BBS2: variants seen among roughly 807,000 people sequenced by gnomAD.
BBS2 encodes the protein Bardet-Biedl syndrome 2, also known as BBSome complex member BBS2.
Under a neutral mutation model 83.0 loss-of-function variants are expected in BBS2, and 62 were observed. The ratio of observed to expected loss-of-function variants is 0.75; its 90% CI spans 0.61 to 0.92. The LOEUF is 0.92. BBS2 is among the 40% of genes least tolerant of loss of function. BBS2 has a pLI of 0.00. For missense variants in BBS2, 784 were observed against 901.0 expected, an observed-to-expected ratio of 0.87 and a Z score of 1.66; for synonymous variants, 303 against 326.1, an observed-to-expected ratio of 0.93 and a Z score of 0.76.
At chr16:56,499,594 G>A (rs1461085119) in intron 12 of BBS2, 184 bp downstream of exon 12, 2 of 679,634 alleles carry the variant, frequency 2.9e-6, no homozygotes, top group Non-Finnish European at 4.9e-6. Flanking sequence ...TTTTCAAAGT[G>A]AGAGAAGGTA....
chr16:56,510,124 A>AAT, intron 4 of BBS2, 90 bp from the exon 5 acceptor site: 1 of 1,143,276 alleles, frequency 8.7e-7, no homozygotes, highest in Non-Finnish European at 1.3e-6. Context: ...AGTACTTTGC[A>AAT]TGCTGCTTCT....
chr16:56,481,103 C>T (rs1246049856), downstream of BBS2, among the ~76,000 whole-genome samples: 1 of 152,072 alleles, frequency 6.6e-6, no homozygotes, highest in African/African-American at 2.4e-5. Context: ...TGTGCATTGG[C>T]AGATCTGTAA....
At position 56,476,395 on chromosome 16, in the gene BBS2, T is replaced by C. The variant is rs560181328; in HGVS notation, c.*1-5700A>G. The stretch of plus-strand genomic sequence containing the variant: ...CCTTGAGCTTGCAGCTAAGTACTTA[T>C]CTCTTGATTAAAAAAAAAAAGTTGG... On this transcript the variant is annotated intron_variant, in intron 17 of 17. Coordinates refer to the BBS2 transcript ENST00000682047. The C allele has an allele frequency of 1.4e-4, 54 of 382,694 alleles. No individual in the cohort carries two copies. The East Asian group carries it at 1.7e-3, about 12-fold the overall frequency. The allele number at this position is 382,694 out of a possible 1,614,324, so 23.7% of individuals were successfully genotyped here. A position where few individuals can be genotyped will look rare whatever the true frequency, so the allele number is the denominator to read the frequency against.
At chr16:56,497,377 C>G in intron 14 of BBS2, 1 of 505,004 alleles carries the variant, frequency 2.0e-6, no homozygotes, top group Admixed American at 3.3e-5. Context: ...TACTTTGGGG[C>G]CAATCAGAAT....
At chr16:56,500,643 A>G in intron 11 of BBS2, 2 of 532,626 alleles carry the variant, frequency 3.8e-6, no homozygotes, top group East Asian at 3.3e-5. Context: ...AAAAAAAAAA[A>G]GAACCATCTT....
intron 5 of BBS2, 104 bp downstream of exon 5, chr16:56,509,853 C>A (rs890120327): frequency 2.5e-6 from 3 of 1,224,030 alleles, no homozygotes; most frequent in Admixed American, 1.7e-5. Flanking sequence ...TATCCTAAAA[C>A]CACCTGGGTT....
At chr16:56,511,411 G>GA in intron 2 of BBS2, 127 bp from the exon 3 acceptor site, 1 of 1,317,790 alleles carries the variant, frequency 7.6e-7, no homozygotes, top group Non-Finnish European at 1.1e-6. Context: ...TAATGTGGGT[G>GA]GGCCTCACAC....
intron 15 of BBS2, 121 bp from the exon 16 acceptor site, chr16:56,485,859 A>G (rs1963762639): frequency 1.1e-6 from 1 of 877,888 alleles, no homozygotes; most frequent in South Asian, 1.5e-5. Context: ...TTTTCATTAA[A>G]ATCGAGTAAC....
chr16:56,504,335 A>G (rs907612298), intron 7 of BBS2, among the ~76,000 whole-genome samples: 9 of 152,226 alleles, frequency 5.9e-5, no homozygotes, highest in African/African-American at 2.2e-4. Flanking sequence ...TATTTAGCAA[A>G]TAAGAAGGCT....
chr16:56,478,921 A>C (rs891495457), intron 17 of BBS2: 3 of 152,232 alleles, frequency 2.0e-5, no homozygotes, highest in African/African-American at 7.2e-5. Flanking sequence ...GTGTTTCTGC[A>C]CTGAAGATAG....
chr16:56,475,401 C>A lies in BBS2; in HGVS notation c.*1-4706G>T. The A allele has an allele frequency of 3.0e-6, 3 of 1,008,560 alleles. No individual in the cohort carries two copies. In the South Asian group the frequency reaches 3.9e-5, roughly 13 times the overall value. The allele number at this position is 1,008,560 out of a possible 1,614,324, so 62.5% of individuals were successfully genotyped here. On this transcript the variant is annotated intron_variant, in intron 17 of 17. Coordinates refer to the BBS2 transcript ENST00000682047. ...AGTCATAGAACCAGTTACTGCTGAACTCCCAGATCCCCCACTGTTAAGCAG... is the reference window on the plus strand; with the variant it reads ...AGTCATAGAACCAGTTACTGCTGAAATCCCAGATCCCCCACTGTTAAGCAG...
intron 17 of BBS2, chr16:56,475,500 T>A (rs754260639): frequency 6.2e-7 from 1 of 1,613,774 alleles, no homozygotes; most frequent in Non-Finnish European, 8.5e-7. Flanking sequence ...TGTTTTTCTC[T>A]TGTAAGGCTG....
At chr16:56,516,083 A>T (rs183334915) in intron 1 of BBS2, 1 of 152,308 alleles carries the variant, frequency 6.6e-6, no homozygotes, top group East Asian at 1.9e-4. Flanking sequence ...AGAGTTTGCA[A>T]TTTTTGTCAA....
At chr16:56,470,860 A>G in intron 17 of BBS2, 7 of 1,414,590 alleles carry the variant, frequency 4.9e-6, no homozygotes, top group East Asian at 2.5e-5. Flanking sequence ...TATTCATTCA[A>G]CAAACATTTA....
In BBS2 at chr16:56,472,201, C is replaced by G. The variant is rs1277846749; in HGVS notation, c.*1-1506G>C. Among the ~76,000 whole-genome samples the G allele has an allele frequency of 2.0e-5, 3 of 151,878 alleles. No individual in the cohort carries two copies. The East Asian group carries it at 5.8e-4, about 29-fold the overall frequency. On this transcript the variant is annotated intron_variant, in intron 17 of 17. Coordinates refer to the BBS2 transcript ENST00000682047. ...CCCAGGCTGGTCTCAAACCCCTAGG[C>G]TCAAGTAATCCTCCTACCTTGTCCT...
rs201630180 is a variant in BBS2 at position 56,489,182 on chromosome 16, T to TA, written c.1911-3445dup. 6.6e-3 allele frequency among the ~76,000 whole-genome samples: 990 copies of TA among 151,100 alleles called. 11 individuals are homozygous for TA. Among genetic ancestry groups the TA allele is most frequent in the African/African-American group, 0.023 (939 of 41,166 alleles). On this transcript the variant is annotated intron_variant, in intron 15 of 16. Coordinates refer to ENST00000245157, the MANE Select transcript of BBS2 (RefSeq NM_031885.5). ...AGTGAGACCCTGTCTCTACCAAAAA[T>TA]AAAAAAAAATTAGCTGGGTGTGGTG... is the stretch of plus-strand genomic sequence containing the variant.
chr16:56,476,350 A>G (rs1188712317), intron 17 of BBS2: 2 of 634,206 alleles, frequency 3.2e-6, no homozygotes, highest in East Asian at 3.0e-5. Flanking sequence ...AGGACTCATA[A>G]TGATTGTCCT....
intron 14 of BBS2, 194 bp downstream of exon 14, chr16:56,497,549 G>T (rs1964148261): frequency 1.5e-6 from 1 of 679,740 alleles, no homozygotes; most frequent in Admixed American, 2.6e-5. Flanking sequence ...TGGTGCTCAG[G>T]AGCTAAACAC....
At chr16:56,479,848 C>T (rs186617659), downstream of BBS2, among the ~76,000 whole-genome samples, 3 of 152,318 alleles carry the variant, frequency 2.0e-5, no homozygotes, top group Admixed American at 2.0e-4. Flanking sequence ...AGCAGAATGC[C>T]CACACCATCA....
Sources: allele counts gnomAD v4.1 joint callset (sites outside exome capture counted in the v4.1 genomes callset), GRCh38; gene constraint gnomAD v4.1.1; transcripts MANE v1.5; gene names NCBI Gene and HGNC (gene_info 2026-07-23, HGNC 2026-07-21).